Variants in PFKM observed in about 807,000 individuals in gnomAD.
PFKM encodes phosphofructokinase, muscle.
A neutral mutation model predicts 95.5 loss-of-function variants in PFKM; 58 were observed. The ratio of observed to expected loss-of-function variants is 0.61; its 90% CI spans 0.49 to 0.76. PFKM has a LOEUF of 0.76. PFKM is among the 30% of genes least tolerant of loss of function. The pLI is 0.00. For missense variants in PFKM, 678 were observed against 1,005.4 expected (o/e 0.67, Z 4.40); for synonymous variants, 336 against 357.2 (o/e 0.94, Z 0.67).
rs1038172254 is a variant in PFKM at position 48,137,708 on chromosome 12, T to C, written c.937-13T>C. 2 of 1,614,114 alleles carry C rather than the reference T, an allele frequency of 1.2e-6. No individual in the cohort carries two copies. Among genetic ancestry groups the C allele is most frequent in the Admixed American group, 3.3e-5 (2 of 60,016 alleles). On this transcript the variant is annotated splice_polypyrimidine_tract_variant and intron_variant, in intron 10 of 22. Transcript: ENST00000359794. ...CCTGAGCCAGACTGTCTTTGTTCTCTGGGCTCCTGCAGGGCAGCAGGATGG... is the reference window on the plus strand; with the variant it reads ...CCTGAGCCAGACTGTCTTTGTTCTCCGGGCTCCTGCAGGGCAGCAGGATGG...
intron 17 of PFKM, 190 bp downstream of exon 17, chr12:48,142,256 TG>T: frequency 1.5e-6 from 1 of 657,336 alleles, no homozygotes; most frequent in Non-Finnish European, 2.7e-6. Flanking sequence ...GCAGATCACT[TG>T]GGGTCAGGAG....
intron 7 of PFKM, 103 bp from the exon 8 acceptor site, chr12:48,134,618 C>T (rs1949889000): frequency 1.1e-6 from 1 of 911,158 alleles, no homozygotes; most frequent in Non-Finnish European, 1.8e-6. Flanking sequence ...GGAGGCTCTC[C>T]AGACCTTTTA....
At chr12:48,133,991 G>C (rs941277659) in intron 6 of PFKM, among the ~76,000 whole-genome samples, 1 of 152,062 alleles carries the variant, frequency 6.6e-6, no homozygotes, top group Non-Finnish European at 1.5e-5. Flanking sequence ...TCCCTGACCC[G>C]GTTCCTCCCT....
Position 48,142,899 on chromosome 12 carries a change from G to A in PFKM, c.1771G>A (p.Asp591Asn), listed in dbSNP as rs369528330. Residue 591 changes from aspartate (D) to asparagine (N), a missense_variant, in exon 18 of 23, where the codon GAT becomes AAT. By Grantham distance (23) the Asp-to-Asn change is conservative. Coordinates refer to ENST00000359794, the MANE Select transcript of PFKM (RefSeq NM_000289.6). ...ATMAGLAAGA[D>N]AAYIFEEPFT... is the part of the protein sequence containing the mutation. ...CATGGCTGGACTGGCAGCTGGGGCC[G>A]ATGCTGCCTACATTTTTGAGGAGCC... 17 of 1,614,016 alleles carry A rather than the reference G, an allele frequency of 1.1e-5. No individual in the cohort carries two copies. Among genetic ancestry groups the A allele is most frequent in the Admixed American group, 6.7e-5 (4 of 60,004 alleles).
chr12:48,115,586 T>C (rs1389256581), upstream of PFKM, among the ~76,000 whole-genome samples: 2 of 152,060 alleles, frequency 1.3e-5, no homozygotes, highest in African/African-American at 4.8e-5. Flanking sequence ...ATTTTCACTT[T>C]TGTAGATCTT....
exon 1 of PFKM, chr12:48,106,078 G>A (rs575822837): frequency 7.1e-6 from 5 of 702,546 alleles, no homozygotes; most frequent in South Asian, 4.4e-5. Flanking sequence ...GGCGCGGAAC[G>A]CAAAACCCGG....
chr12:48,141,415 C>A, intron 15 of PFKM, 34 bp downstream of exon 15: 1 of 1,582,894 alleles, frequency 6.3e-7, no homozygotes, highest in Non-Finnish European at 8.7e-7. Flanking sequence ...TCCTCCCAGT[C>A]ACCTCTTAAA....
At chr12:48,106,155 G>C (rs540234596) in intron 1 of PFKM, 34 of 701,932 alleles carry the variant, frequency 4.8e-5, no homozygotes, top group Non-Finnish European at 7.8e-5. Context: ...AAGAGGAGGG[G>C]GCTGGGGCAG....
At chr12:48,120,307 C>G (rs920545658) in intron 1 of PFKM, among the ~76,000 whole-genome samples, 1 of 152,174 alleles carries the variant, frequency 6.6e-6, no homozygotes, top group Non-Finnish European at 1.5e-5. Context: ...ATATCTGTAT[C>G]TAAGCCGATT....
At chr12:48,109,016 A>G (rs1946953431) in intron 3 of PFKM, among the ~76,000 whole-genome samples, 1 of 152,224 alleles carries the variant, frequency 6.6e-6, no homozygotes, top group Non-Finnish European at 1.5e-5. Context: ...GTATTTAGCC[A>G]TATTTTTGAG....
At chr12:48,136,198 T>C (rs778921405) in intron 10 of PFKM, among the ~76,000 whole-genome samples, 2 of 152,206 alleles carry the variant, frequency 1.3e-5, no homozygotes, top group Non-Finnish European at 2.9e-5. Flanking sequence ...TCCCTCCTCA[T>C]TCTTAACCTC....
chr12:48,135,174 A>G (rs1949954788), intron 9 of PFKM, 117 bp from the exon 10 acceptor site: 7 of 1,143,164 alleles, frequency 6.1e-6, no homozygotes. Flanking sequence ...ATTGCCTCCC[A>G]CAAAGAACCA....
Position 48,146,051 on chromosome 12 carries a change from T to C in PFKM, c.*343T>C, listed in dbSNP as rs1167874655. On this transcript the variant is annotated 3_prime_UTR_variant, in exon 23 of 23. Transcript: ENST00000359794. ...AAAGAGTCTTGGTTCCTCTACTACT[T>C]TTACTACAGTGACAAATTGTAACTA... 3.3e-6 allele frequency: 1 copy of C among 300,342 alleles called. No homozygotes were observed. The highest frequency in any genetic ancestry group is 7.7e-5 in the East Asian group (1 of 13,016). The allele number at this position is 300,342 out of a possible 1,614,324, so 18.6% of individuals were successfully genotyped here.
intron 1 of PFKM, chr12:48,107,218 T>C (rs1752707527): frequency 3.3e-6 from 2 of 598,058 alleles, no homozygotes; most frequent in South Asian, 2.0e-5. Flanking sequence ...AAGTAGATTA[T>C]TTGTATTGCC....
intron 10 of PFKM, among the ~76,000 whole-genome samples, chr12:48,136,138 C>T (rs970521467): frequency 1.3e-5 from 2 of 152,154 alleles, no homozygotes; most frequent in South Asian, 2.1e-4. Flanking sequence ...CCACCCGCCT[C>T]GGCCTCCCAA....
At position 48,146,168 on chromosome 12, in the gene PFKM, A is replaced by C. The variant is rs1184860470; in HGVS notation, c.*460A>C. On this transcript the variant is annotated 3_prime_UTR_variant, in exon 23 of 23. Transcript: ENST00000359794. ...TAATACTGTCAGCCCCATGTATCAG[A>C]CACTTGTCTGATGAAGCAGTAAAGA... 4.9e-6 allele frequency: 1 copy of C among 204,088 alleles called. No homozygotes were observed. Among genetic ancestry groups the C allele is most frequent in the Admixed American group, 5.3e-5 (1 of 18,938 alleles). The allele number at this position is 204,088 out of a possible 1,614,324, so 12.6% of individuals were successfully genotyped here. A position where few individuals can be genotyped will look rare whatever the true frequency, so the allele number is the denominator to read the frequency against.
chr12:48,137,521 C>T lies in PFKM; in HGVS notation c.937-200C>T, dbSNP rs143602190. Reference sequence around the variant, plus strand: ...GAAGTAAGTAGAATCTTTGGGGTTCCGATGGCAAGAATACAGAGTCATCAA... The same window carrying T: ...GAAGTAAGTAGAATCTTTGGGGTTCTGATGGCAAGAATACAGAGTCATCAA... On this transcript the variant is annotated intron_variant, in intron 10 of 22. Coordinates refer to ENST00000359794, the MANE Select transcript of PFKM (RefSeq NM_000289.6). 2.4e-5 allele frequency: 15 copies of T among 619,764 alleles called. No individual in the cohort carries two copies. In the East Asian group the frequency reaches 2.5e-4, roughly 10 times the overall value. The allele number at this position is 619,764 out of a possible 1,614,324, so 38.4% of individuals were successfully genotyped here. A position where few individuals can be genotyped will look rare whatever the true frequency, so the allele number is the denominator to read the frequency against.
chr12:48,121,419 T>C (rs568291201), intron 1 of PFKM, among the ~76,000 whole-genome samples: 27 of 152,376 alleles, frequency 1.8e-4, no homozygotes, highest in African/African-American at 4.8e-5. Context: ...TGATTATATG[T>C]AGTACGTTCA....
chr12:48,138,894 G>C (rs749842268), intron 11 of PFKM, among the ~76,000 whole-genome samples: 1 of 152,124 alleles, frequency 6.6e-6, no homozygotes, highest in Non-Finnish European at 1.5e-5. Context: ...AAAAAAATTA[G>C]CCGGGTGTGG....
Sources: gnomAD v4.1 joint callset for allele counts (sites outside exome capture counted in the v4.1 genomes callset) on GRCh38, gnomAD v4.1.1 for gene constraint, MANE v1.5 for transcripts, NCBI Gene and HGNC (gene_info 2026-07-23, HGNC 2026-07-21) for gene names.